GRID1: variants seen among roughly 807,000 people sequenced by gnomAD.
The protein encoded by GRID1 is glutamate ionotropic receptor delta type subunit 1.
Under a neutral mutation model 98.0 loss-of-function variants are expected in GRID1, and 28 were observed. The observed-to-expected ratio is 0.29, with a 90% CI of 0.21 to 0.39. The LOEUF (loss-of-function observed/expected upper bound fraction) is 0.39. Ranked by LOEUF, GRID1 falls within the 10% of genes least tolerant of loss-of-function variation. GRID1 has a pLI of 1.00. For synonymous variants in GRID1, 553 were observed against 538.5 expected (o/e 1.03, Z -0.37); for missense variants, 1,111 against 1,340.5 (o/e 0.83, Z 2.67).
At chr10:85,760,270 A>G (rs1041968317) in intron 8 of GRID1, among the ~76,000 whole-genome samples, 14 of 152,336 alleles carry the variant, frequency 9.2e-5, no homozygotes, top group African/African-American at 3.4e-4. Context: ...TATATTGTTC[A>G]GCTTTATTAG....
intron 2 of GRID1, among the ~76,000 whole-genome samples, chr10:86,216,215 C>A (rs1287375059): frequency 6.6e-6 from 1 of 152,196 alleles, no homozygotes; most frequent in Non-Finnish European, 1.5e-5. Flanking sequence ...ATCATATTAT[C>A]TCATGCTTAA....
chr10:86,124,813 T>C (rs1397062573), intron 4 of GRID1, among the ~76,000 whole-genome samples: 2 of 152,186 alleles, frequency 1.3e-5, no homozygotes, highest in African/African-American at 4.8e-5. Context: ...GACAGTGCCC[T>C]ATAGTCATAC....
intron 8 of GRID1, among the ~76,000 whole-genome samples, chr10:85,794,149 T>A (rs916619370): frequency 5.3e-5 from 8 of 152,188 alleles, no homozygotes; most frequent in Non-Finnish European, 1.2e-4. Context: ...AATGGATTGT[T>A]TTTACCCAAA....
intron 12 of GRID1, among the ~76,000 whole-genome samples, chr10:85,703,937 T>G (rs1449334802): frequency 6.6e-6 from 1 of 152,124 alleles, no homozygotes; most frequent in African/African-American, 2.4e-5. Flanking sequence ...GGTGACAAAA[T>G]CTCTCAGCAT....
intron 2 of GRID1, among the ~76,000 whole-genome samples, chr10:86,325,430 T>C (rs946029120): frequency 1.3e-5 from 2 of 152,198 alleles, no homozygotes; most frequent in African/African-American, 4.8e-5. Context: ...CCTCCACTTA[T>C]GCTCCCTCTC....
At chr10:85,943,094 T>A (rs1296283916) in intron 4 of GRID1, among the ~76,000 whole-genome samples, 1 of 152,202 alleles carries the variant, frequency 6.6e-6, no homozygotes, top group Non-Finnish European at 1.5e-5. Context: ...AATGCTTCAA[T>A]GAACATTCTT....
chr10:86,141,392 G>A (rs1171523104), intron 3 of GRID1, among the ~76,000 whole-genome samples: 2 of 152,192 alleles, frequency 1.3e-5, no homozygotes, highest in Non-Finnish European at 2.9e-5. Context: ...GGGCAAGTGT[G>A]CAGAGATGGC....
intron 2 of GRID1, among the ~76,000 whole-genome samples, chr10:86,334,880 G>T (rs897628304): frequency 6.6e-6 from 1 of 152,192 alleles, no homozygotes; most frequent in African/African-American, 2.4e-5. Flanking sequence ...GCCATCTCCT[G>T]GCCAGCCAGC....
At chr10:86,346,373 G>A (rs551757329) in intron 2 of GRID1, among the ~76,000 whole-genome samples, 2 of 152,350 alleles carry the variant, frequency 1.3e-5, no homozygotes, top group South Asian at 4.1e-4. Context: ...GTGCTGGCTG[G>A]CAGAGCTGCC....
intron 2 of GRID1, among the ~76,000 whole-genome samples, chr10:86,245,987 C>T (rs1481804430): frequency 6.6e-6 from 1 of 152,232 alleles, no homozygotes; most frequent in Non-Finnish European, 1.5e-5. Context: ...CCACCATGAT[C>T]CATACAAAAA....
At chr10:85,929,869 C>T (rs940479252) in intron 4 of GRID1, among the ~76,000 whole-genome samples, 2 of 152,160 alleles carry the variant, frequency 1.3e-5, no homozygotes, top group African/African-American at 4.8e-5. Flanking sequence ...CTTGGTTGAT[C>T]AACTTTAGCA....
chr10:85,727,334 T>C (rs997127804), intron 10 of GRID1, among the ~76,000 whole-genome samples: 1 of 152,200 alleles, frequency 6.6e-6, no homozygotes, highest in African/African-American at 2.4e-5. Context: ...ACATGGTAAG[T>C]TGGCCTCATG....
At chr10:86,268,281 C>G (rs960750465) in intron 2 of GRID1, among the ~76,000 whole-genome samples, 2 of 152,232 alleles carry the variant, frequency 1.3e-5, no homozygotes, top group Non-Finnish European at 2.9e-5. Context: ...GTGTGATAAG[C>G]ATTTCTTCCC....
At chr10:86,110,226 G>A (rs991916109) in intron 4 of GRID1, among the ~76,000 whole-genome samples, 5 of 151,954 alleles carry the variant, frequency 3.3e-5, no homozygotes, top group Admixed American at 6.6e-5. Context: ...CACCTGCCTC[G>A]GCCTCCCAAA....
chr10:85,763,247 G>A (rs185068241), intron 8 of GRID1, among the ~76,000 whole-genome samples: 1 of 152,194 alleles, frequency 6.6e-6, no homozygotes, highest in Admixed American at 6.5e-5. Context: ...TGGAATAAAG[G>A]AAGGCACACC....
intron 4 of GRID1, among the ~76,000 whole-genome samples, chr10:85,958,064 G>T (rs1842217635): frequency 6.6e-6 from 1 of 152,210 alleles, no homozygotes; most frequent in South Asian, 2.1e-4. Context: ...GGACAACAAA[G>T]GCAAACCTCA....
intron 8 of GRID1, among the ~76,000 whole-genome samples, chr10:85,811,695 G>C (rs928449868): frequency 6.6e-6 from 1 of 152,084 alleles, no homozygotes; most frequent in Non-Finnish European, 1.5e-5. Flanking sequence ...AAAGCCTACA[G>C]AATTTATGGA....
intron 4 of GRID1, among the ~76,000 whole-genome samples, chr10:85,972,876 C>A (rs1426234542): frequency 2.0e-5 from 3 of 152,118 alleles, no homozygotes; most frequent in Non-Finnish European, 2.9e-5. Context: ...ATAAAGTCAC[C>A]AGTTTTATCA....
chr10:85,801,817 C>A (rs1337050177), intron 8 of GRID1, among the ~76,000 whole-genome samples: 2 of 151,484 alleles, frequency 1.3e-5, no homozygotes, highest in African/African-American at 2.4e-5. Context: ...GGGAAAAAAA[C>A]CTAAGAATTA....
Sources: gnomAD v4.1 joint callset for allele counts (sites outside exome capture counted in the v4.1 genomes callset) on GRCh38, gnomAD v4.1.1 for gene constraint, MANE v1.5 for transcripts, NCBI Gene and HGNC (gene_info 2026-07-23, HGNC 2026-07-21) for gene names.